Variants in TAOK1 observed in about 807,000 individuals in gnomAD.
TAOK1 encodes TAO kinase 1.
In TAOK1, 21 loss-of-function variants were observed where a neutral mutation model predicts 138.3. The ratio of observed to expected loss-of-function variants is 0.15; its 90% CI spans 0.11 to 0.22. The LOEUF (loss-of-function observed/expected upper bound fraction) is 0.22. Among genes scored for constraint, TAOK1 ranks in the 10% least tolerant of loss-of-function variants. The pLI, the probability that TAOK1 is intolerant of heterozygous loss-of-function variation, is 1.00. For missense variants in TAOK1, 651 were observed against 1,227.7 expected (o/e 0.53, Z 7.02); for synonymous variants, 361 against 398.4 (o/e 0.91, Z 1.12).
At chr17:29,514,829 CAAAAA>C (rs34833091) in intron 15 of TAOK1, 3 of 111,580 alleles carry the variant, frequency 2.7e-5, no homozygotes, top group East Asian at 2.6e-4. Context: ...CTGTGTCTAG[CAAAAA>C]AAAAAAAAAA....
intron 2 of TAOK1, among the ~76,000 whole-genome samples, chr17:29,455,000 T>C (rs1305694538): frequency 6.6e-6 from 1 of 152,206 alleles, no homozygotes; most frequent in Non-Finnish European, 1.5e-5. Context: ...CACTGCAACC[T>C]TTGCCTCCCA....
chr17:29,391,573 C>CCATG (rs1904429518), intron 1 of TAOK1, among the ~76,000 whole-genome samples: 1 of 152,136 alleles, frequency 6.6e-6, no homozygotes, highest in Admixed American at 6.6e-5. Context: ...ATACACAGAC[C>CCATG]CATGTATACA....
chr17:29,406,247 C>G (rs1359446897), intron 1 of TAOK1, among the ~76,000 whole-genome samples: 1 of 151,816 alleles, frequency 6.6e-6, no homozygotes, highest in Non-Finnish European at 1.5e-5. Flanking sequence ...CCAAATGTCC[C>G]CTAGGGAGCA....
chr17:29,551,474 T>C lies in TAOK1; in HGVS notation c.*8452T>C, dbSNP rs1488468762. The C allele has an allele frequency of 6.6e-6, 1 of 152,216 alleles. No homozygotes were observed. The highest frequency in any genetic ancestry group is 1.5e-5 in the Non-Finnish European group (1 of 68,026). The allele number at this position is 152,216 out of a possible 1,614,324, so 9.4% of individuals were successfully genotyped here. Reference sequence around the variant, plus strand: ...GAGTATCGTGTCGAAAGTGTGATGTTCTACCACTTTACCAATAACTAATTT... The same window carrying C: ...GAGTATCGTGTCGAAAGTGTGATGTCCTACCACTTTACCAATAACTAATTT... On this transcript the variant is annotated 3_prime_UTR_variant, in exon 20 of 20. Transcript: ENST00000261716.
intron 1 of TAOK1, among the ~76,000 whole-genome samples, chr17:29,447,131 C>T (rs1394942583): frequency 6.6e-6 from 1 of 150,998 alleles, no homozygotes; most frequent in Non-Finnish European, 1.5e-5. Context: ...TGCACTACAA[C>T]CTCACACTCC....
Position 29,405,463 on chromosome 17 carries a change from T to C in TAOK1, c.-95+14439T>C, listed in dbSNP as rs149100356. The stretch of plus-strand genomic sequence containing the variant: ...TGAAAACACCAAGTCAAGATAGTGA[T>C]TGATGGAATTTGCTTTTAAAGACCA... On this transcript the variant is annotated intron_variant, in intron 1 of 19. Coordinates refer to ENST00000261716, the MANE Select transcript of TAOK1 (RefSeq NM_020791.4). Among the ~76,000 whole-genome samples, 70 of 152,298 alleles carry C rather than the reference T, an allele frequency of 4.6e-4. No individual in the cohort carries two copies. In the East Asian group the frequency reaches 0.012, roughly 26 times the overall value.
At chr17:29,522,568 A>G (rs767731235) in intron 17 of TAOK1, 49 bp downstream of exon 17, 1 of 1,604,658 alleles carries the variant, frequency 6.2e-7, no homozygotes, top group Non-Finnish European at 8.5e-7. Flanking sequence ...ATGAAAAGGT[A>G]TCCATGTAAG....
chr17:29,424,659 C>T (rs1415330890), intron 1 of TAOK1: 1 of 152,094 alleles, frequency 6.6e-6, no homozygotes, highest in Non-Finnish European at 1.5e-5. Context: ...TATTAGATTA[C>T]TTGTCAGAAG....
rs534899902 is a variant in TAOK1, at chr17:29,445,218, G to A, written c.-94-6237G>A. 12 of 152,400 alleles carry A rather than the reference G, an allele frequency of 7.9e-5. No homozygotes were observed. In the East Asian group the frequency reaches 1.5e-3, roughly 20 times the overall value. The allele number at this position is 152,400 out of a possible 1,614,324, so 9.4% of individuals were successfully genotyped here. The stretch of plus-strand genomic sequence containing the variant: ...GCAATGCGCAATAAGCACATATGAA[G>A]AATGGGGTATCCATCCCCCCAAGTG... On this transcript the variant is annotated intron_variant, in intron 1 of 19. Coordinates refer to ENST00000261716, the MANE Select transcript of TAOK1 (RefSeq NM_020791.4).
chr17:29,441,895 C>T (rs2029950221), intron 1 of TAOK1, among the ~76,000 whole-genome samples: 1 of 149,686 alleles, frequency 6.7e-6, no homozygotes, highest in South Asian at 2.1e-4. Flanking sequence ...AAGACTCCGT[C>T]TCAAAAAAAA....
intron 19 of TAOK1, among the ~76,000 whole-genome samples, chr17:29,541,149 G>A (rs1445965403): frequency 1.3e-5 from 2 of 151,710 alleles, no homozygotes; most frequent in African/African-American, 2.4e-5. Flanking sequence ...TCAGTCTGTC[G>A]CCGAGGCTGG....
At chr17:29,469,782 G>T (rs1368630734) in intron 3 of TAOK1, among the ~76,000 whole-genome samples, 1 of 151,914 alleles carries the variant, frequency 6.6e-6, no homozygotes, top group Non-Finnish European at 1.5e-5. Flanking sequence ...TCTAATGTTG[G>T]CGTCCTTCAT....
intron 1 of TAOK1, among the ~76,000 whole-genome samples, chr17:29,405,863 T>C (rs1490283462): frequency 6.6e-6 from 1 of 152,178 alleles, no homozygotes; most frequent in East Asian, 1.9e-4. Context: ...ACGTATTTCT[T>C]ATATTTTTTG....
chr17:29,414,248 G>A (rs556475149), intron 1 of TAOK1, among the ~76,000 whole-genome samples: 3 of 150,990 alleles, frequency 2.0e-5, no homozygotes, highest in South Asian at 2.1e-4. Flanking sequence ...GCATGTATCA[G>A]TACTTCACAT....
chr17:29,481,415 C>A (rs1013388904), intron 7 of TAOK1, among the ~76,000 whole-genome samples: 8 of 151,806 alleles, frequency 5.3e-5, no homozygotes, highest in African/African-American at 1.9e-4. Context: ...GCTTCTGGAA[C>A]TTCTGACCTC....
chr17:29,537,081 C>T (rs754626960), intron 19 of TAOK1, among the ~76,000 whole-genome samples: 3 of 152,136 alleles, frequency 2.0e-5, no homozygotes, highest in Non-Finnish European at 4.4e-5. Context: ...GGAAAACTCC[C>T]TATAATATTT....
At chr17:29,467,412 T>C (rs2030696940) in intron 3 of TAOK1, among the ~76,000 whole-genome samples, 196 bp downstream of exon 3, 1 of 152,122 alleles carries the variant, frequency 6.6e-6, no homozygotes, top group African/African-American at 2.4e-5. Flanking sequence ...TAGCTGGGAC[T>C]ACAGGCACCC....
chr17:29,491,695 C>A, intron 9 of TAOK1, 89 bp from the exon 10 acceptor site: 1 of 881,404 alleles, frequency 1.1e-6, no homozygotes, highest in Non-Finnish European at 1.9e-6. Flanking sequence ...TTCCATTTCC[C>A]CTCCCACCAA....
intron 6 of TAOK1, 156 bp from the exon 7 acceptor site, chr17:29,480,212 A>G (rs770362778): frequency 4.7e-6 from 2 of 422,718 alleles, no homozygotes; most frequent in Non-Finnish European, 8.2e-6. Context: ...TCTAATTTGA[A>G]TATTAATTCT....
Sources: allele counts gnomAD v4.1 joint callset (sites outside exome capture counted in the v4.1 genomes callset), GRCh38; gene constraint gnomAD v4.1.1; transcripts MANE v1.5; gene names NCBI Gene and HGNC (gene_info 2026-07-23, HGNC 2026-07-21).